The following PPP1R16A variants were observed in gnomAD, a reference collection of about 807,000 sequenced individuals.
PPP1R16A encodes myosin phosphatase-targeting subunit 3.
Under a neutral mutation model 46.6 loss-of-function variants are expected in PPP1R16A, and 39 were observed. The observed-to-expected ratio is 0.84, with a 90% CI of 0.65 to 1.09. The LOEUF is 1.09. PPP1R16A is among the 50% of genes least tolerant of loss of function. The probability of loss-of-function intolerance (pLI) is 0.00; values close to 1 mark genes in which losing one functional copy is unlikely to be tolerated. For missense variants in PPP1R16A, 798 were observed against 735.6 expected (o/e 1.08, Z -0.98); for synonymous variants, 413 against 321.5 (o/e 1.28, Z -3.04).
rs561106229 is a variant in PPP1R16A at position 144,501,069 on chromosome 8, G to A, written c.1038-60G>A. On this transcript the variant is annotated intron_variant, in intron 10 of 11. Coordinates refer to ENST00000435887, the MANE Select transcript of PPP1R16A (RefSeq NM_001329443.2). ...CGAACTGGGGGCAGAGTCCGAGGGG[G>A]TGGGCGGGGTCCTCCGGGCACTCCC... 86 of 1,566,652 alleles carry A rather than the reference G, an allele frequency of 5.5e-5. No homozygotes were observed. The Admixed American group carries it at 1.5e-3, about 27-fold the overall frequency.
At chr8:144,488,660 G>A (rs1263619063) in intron 1 of PPP1R16A, among the ~76,000 whole-genome samples, 1 of 152,152 alleles carries the variant, frequency 6.6e-6, no homozygotes, top group South Asian at 2.1e-4. Context: ...AAGAACATTA[G>A]ACCACCAGGA....
intron 1 of PPP1R16A, among the ~76,000 whole-genome samples, chr8:144,489,392 ACTGGGAGGGGGGTTTGT>A (rs1825724956): frequency 2.8e-5 from 1 of 35,944 alleles, no homozygotes; most frequent in Non-Finnish European, 5.1e-5. Context: ...GGGGGGTTGG[ACTGGGAGGGGGGTTTGT>A]CTGGGAGGGG....
intron 10 of PPP1R16A, 26 bp downstream of exon 10, chr8:144,500,997 G>C: frequency 1.4e-6 from 2 of 1,435,070 alleles, no homozygotes; most frequent in Non-Finnish European, 1.8e-6. Flanking sequence ...AGCAGGCCCC[G>C]CCCCGGGCTT....
At chr8:144,494,879 C>T (rs1438542896) in intron 2 of PPP1R16A, among the ~76,000 whole-genome samples, 5 of 152,184 alleles carry the variant, frequency 3.3e-5, no homozygotes, top group African/African-American at 9.6e-5. Flanking sequence ...CTCATGGATG[C>T]GGACCTGGCA....
At position 144,497,468 on chromosome 8, in the gene PPP1R16A, G is replaced by A. The variant is rs1449309196; in HGVS notation, c.259+15G>A. On this transcript the variant is annotated intron_variant, in intron 3 of 11. Coordinates refer to ENST00000435887, the MANE Select transcript of PPP1R16A (RefSeq NM_001329443.2). ...CCTGGAAGAAGGTGAGTGTGGCTGA[G>A]CCCAGAGCAGCTCCCAGCAGACGGC... 1.9e-6 allele frequency: 3 copies of A among 1,611,914 alleles called. No homozygotes were observed. Among genetic ancestry groups the A allele is most frequent in the Admixed American group, 1.7e-5 (1 of 59,958 alleles).
At position 144,478,119 on chromosome 8, in the gene PPP1R16A, G is replaced by A. The variant is rs1825250591; in HGVS notation, c.-922G>A. ...ACCCACTTGTGCGGCGGTCGGCGCG[G>A]GGCGCGAGGTGAGGCGCGGACTCCC... On this transcript the variant is annotated 5_prime_UTR_variant, in exon 1 of 12. Transcript: ENST00000435887. 4 of 395,450 alleles carry A rather than the reference G, an allele frequency of 1.0e-5. No individual in the cohort carries two copies. Among genetic ancestry groups the A allele is most frequent in the African/African-American group, 2.1e-5 (1 of 48,454 alleles). The allele number at this position is 395,450 out of a possible 1,614,324, so 24.5% of individuals were successfully genotyped here. A position where few individuals can be genotyped will look rare whatever the true frequency, so the allele number is the denominator to read the frequency against.
intron 1 of PPP1R16A, among the ~76,000 whole-genome samples, chr8:144,481,279 C>T (rs1333977168): frequency 6.6e-6 from 1 of 152,136 alleles, no homozygotes; most frequent in Non-Finnish European, 1.5e-5. Context: ...CTGTGGTAAG[C>T]CCTTCCTCAC....
At position 144,493,020 on chromosome 8, in the gene PPP1R16A, G is replaced by A. The variant is rs1458575971; in HGVS notation, c.-735+2808G>A. 6.6e-6 allele frequency among the ~76,000 whole-genome samples: 1 copy of A among 152,160 alleles called. No homozygotes were observed. The highest frequency in any genetic ancestry group is 2.1e-4 in the South Asian group (1 of 4,828). On this transcript the variant is annotated intron_variant, in intron 2 of 11. Coordinates refer to ENST00000435887, the MANE Select transcript of PPP1R16A (RefSeq NM_001329443.2). The surrounding 1 kb of genome is among the most constrained non-coding windows in gnomAD (Gnocchi z 4.3). ...CATGTGGAAGATGGGGTGATGGCAGGTGCCTGAGGCAGTGATGGGAGTAGA... is the reference window on the plus strand; with the variant it reads ...CATGTGGAAGATGGGGTGATGGCAGATGCCTGAGGCAGTGATGGGAGTAGA...
At chr8:144,489,153 A>T (rs1825711592) in intron 1 of PPP1R16A, among the ~76,000 whole-genome samples, 1 of 141,948 alleles carries the variant, frequency 7.0e-6, no homozygotes, top group Admixed American at 7.2e-5. Context: ...GCAGTATTTC[A>T]TGCCTACGCA....
chr8:144,488,785 C>T (rs560126337), intron 1 of PPP1R16A, among the ~76,000 whole-genome samples: 7 of 151,666 alleles, frequency 4.6e-5, no homozygotes, highest in South Asian at 2.1e-4. Context: ...GAGGGGGACT[C>T]CAGGCCTCAG....
chr8:144,498,708 GCA>G (rs1476337796), intron 3 of PPP1R16A, 60 bp from the exon 4 acceptor site: 2 of 1,493,122 alleles, frequency 1.3e-6, no homozygotes, highest in Non-Finnish European at 1.8e-6. Context: ...CTGGGCCGAA[GCA>G]CAGTTGACAG....
In PPP1R16A at chr8:144,480,909, C is replaced by T. The variant is rs1412920857; in HGVS notation, c.-914+2782C>T. On this transcript the variant is annotated intron_variant, in intron 1 of 11. Coordinates refer to ENST00000435887, the MANE Select transcript of PPP1R16A (RefSeq NM_001329443.2). ...TTGTTTGATGGGTTTTTTTTTTTGA[C>T]GGAGTCTCATGCTGTGTCGCCCAGG... 4.0e-5 allele frequency among the ~76,000 whole-genome samples: 6 copies of T among 149,972 alleles called. No individual in the cohort carries two copies. The East Asian group carries it at 7.9e-4, about 20-fold the overall frequency.
Position 144,500,977 on chromosome 8 carries a change from C to G in PPP1R16A, c.1037+6C>G, listed in dbSNP as rs569440310. 111 of 1,449,006 alleles carry G rather than the reference C, an allele frequency of 7.7e-5. No homozygotes were observed. In the South Asian group the frequency reaches 1.6e-3, roughly 20 times the overall value. 89.8% of individuals were successfully genotyped at this position (1,449,006 alleles called of 1,614,324 possible). On this transcript the variant is annotated splice_donor_region_variant and intron_variant, in intron 10 of 11. Transcript: ENST00000435887. Reference sequence around the variant, plus strand: ...TCCAGCGCCGGCAGCCGCGGGTGAGCGCCGCCCCCAGCAGGCCCCGCCCCG... The same window carrying G: ...TCCAGCGCCGGCAGCCGCGGGTGAGGGCCGCCCCCAGCAGGCCCCGCCCCG...
intron 11 of PPP1R16A, 31 bp from the exon 12 acceptor site, chr8:144,501,489 C>T: frequency 1.9e-5 from 29 of 1,503,998 alleles, no homozygotes; most frequent in Non-Finnish European, 2.5e-5. Context: ...GAGGAGCCTC[C>T]TGATGGCTCT....
At chr8:144,492,809 T>A (rs1482385785) in intron 2 of PPP1R16A, among the ~76,000 whole-genome samples, 1 of 152,150 alleles carries the variant, frequency 6.6e-6, no homozygotes, top group Admixed American at 6.5e-5. Context: ...CCTGCCCCTT[T>A]CCTCTCTTTT....
At chr8:144,492,558 A>C (rs765323486) in intron 2 of PPP1R16A, among the ~76,000 whole-genome samples, 8 of 151,964 alleles carry the variant, frequency 5.3e-5, no homozygotes, top group Non-Finnish European at 1.2e-4. Flanking sequence ...GATGGTCTCG[A>C]TCTCCTGACC....
Position 144,493,250 on chromosome 8 carries a change from A to G in PPP1R16A, c.-735+3038A>G, listed in dbSNP as rs1825892353. On this transcript the variant is annotated intron_variant, in intron 2 of 11. Coordinates refer to ENST00000435887, the MANE Select transcript of PPP1R16A (RefSeq NM_001329443.2). This position sits in a 1 kb window ranked among gnomAD's most constrained non-coding sequence, Gnocchi z 4.3. Reference sequence around the variant, plus strand: ...ACTCAGGCAGCTGGCCTGGGCTTTGAGGAGTGGAATGAACCCACCGGGTTA... The same window carrying G: ...ACTCAGGCAGCTGGCCTGGGCTTTGGGGAGTGGAATGAACCCACCGGGTTA... Among the ~76,000 whole-genome samples the G allele has an allele frequency of 6.6e-6, 1 of 152,080 alleles. No homozygotes were observed. The highest frequency in any genetic ancestry group is 2.4e-5 in the African/African-American group (1 of 41,422).
chr8:144,485,526 G>GA (rs201794926), intron 1 of PPP1R16A, among the ~76,000 whole-genome samples: 70,662 of 141,912 alleles, frequency 0.5, 17,726 homozygotes, highest in Middle Eastern at 0.6. Flanking sequence ...TCCATCTCGG[G>GA]AAAAAAAAAA....
At chr8:144,487,355 TTC>T (rs1429520634) in intron 1 of PPP1R16A, among the ~76,000 whole-genome samples, 1 of 152,004 alleles carries the variant, frequency 6.6e-6, no homozygotes, top group Non-Finnish European at 1.5e-5. Context: ...GTAGGTTTAT[TTC>T]TGTTTTGTTT....
Sources: gnomAD v4.1 joint callset for allele counts (sites outside exome capture counted in the v4.1 genomes callset) on GRCh38, gnomAD v4.1.1 for gene constraint, Gnocchi (gnomAD v3.1) non-coding constraint, MANE v1.5 for transcripts, NCBI Gene and HGNC (gene_info 2026-07-23, HGNC 2026-07-21) for gene names.